PIGK: variants seen among roughly 807,000 people sequenced by gnomAD.
The protein encoded by PIGK is GPI-anchor transamidase.
Under a neutral mutation model 50.6 loss-of-function variants are expected in PIGK, and 42 were observed. That is an observed-to-expected ratio of 0.83 (90% CI 0.65 to 1.07). The LOEUF (loss-of-function observed/expected upper bound fraction) is 1.07, where lower values mean the gene tolerates loss of function less well. PIGK is among the 50% of genes least tolerant of loss of function. PIGK has a pLI of 0.00. For synonymous variants in PIGK, 151 were observed against 156.0 expected, an observed-to-expected ratio of 0.97 and a Z score of 0.24; for missense variants, 448 against 488.7, an observed-to-expected ratio of 0.92 and a Z score of 0.78.
chr1:77,099,424 T>C (rs1653493640), intron 10 of PIGK, among the ~76,000 whole-genome samples: 1 of 152,142 alleles, frequency 6.6e-6, no homozygotes, highest in Admixed American at 6.5e-5. Context: ...AATTGGATTA[T>C]GCAGCAAAAA....
chr1:77,116,406 C>T lies in PIGK; in HGVS notation c.1071+5869G>A, dbSNP rs374798206. Among the ~76,000 whole-genome samples the T allele has an allele frequency of 5.5e-4, 84 of 152,014 alleles. 1 individual carries two copies. In the East Asian group the frequency reaches 0.016, roughly 29 times the overall value. The stretch of plus-strand genomic sequence containing the variant: ...TTCACCATGTTAGCCAGGATGGTCT[C>T]GATCTCCTGACCTCGTGATTCGCCC... On this transcript the variant is annotated intron_variant, in intron 10 of 10. Coordinates refer to ENST00000370812, the MANE Select transcript of PIGK (RefSeq NM_005482.3).
intron 9 of PIGK, among the ~76,000 whole-genome samples, chr1:77,131,133 ATCTTTTAAGATGTATAATCG>A (rs1259207112): frequency 1.3e-5 from 2 of 151,956 alleles, no homozygotes; most frequent in Non-Finnish European, 2.9e-5. Flanking sequence ...GAAGATGTAC[ATCTTTTAAGATGTATAATCG>A]GGTGGCTTAT....
chr1:77,158,209 G>A (rs1282935691), intron 8 of PIGK, among the ~76,000 whole-genome samples: 1 of 151,796 alleles, frequency 6.6e-6, no homozygotes, highest in Non-Finnish European at 1.5e-5. Context: ...TAGAGATGGG[G>A]TTTCACCATG....
At chr1:77,151,350 CATG>C (rs1221444591) in intron 9 of PIGK, among the ~76,000 whole-genome samples, 1 of 152,078 alleles carries the variant, frequency 6.6e-6, no homozygotes, top group African/African-American at 2.4e-5. Flanking sequence ...CATACATCAA[CATG>C]ATAAAGGCCA....
chr1:77,138,712 T>C (rs1449245775), intron 9 of PIGK, among the ~76,000 whole-genome samples: 1 of 152,172 alleles, frequency 6.6e-6, no homozygotes, highest in Non-Finnish European at 1.5e-5. Flanking sequence ...CTTTCTCAAA[T>C]TGTCTGTAAT....
chr1:77,105,020 C>A (rs74741768), intron 10 of PIGK, among the ~76,000 whole-genome samples: 2 of 152,150 alleles, frequency 1.3e-5, no homozygotes, highest in Non-Finnish European at 2.9e-5. Flanking sequence ...TAGGTACCCA[C>A]GCTTGGTGGG....
At chr1:77,168,670 G>T (rs1390310452) in intron 4 of PIGK, among the ~76,000 whole-genome samples, 1 of 121,522 alleles carries the variant, frequency 8.2e-6, no homozygotes, top group Non-Finnish European at 1.6e-5. Flanking sequence ...ACAGGAAATT[G>T]TGTCTTACTT....
chr1:77,100,369 T>C (rs1172896031), intron 10 of PIGK, among the ~76,000 whole-genome samples: 1 of 152,234 alleles, frequency 6.6e-6, no homozygotes, highest in Non-Finnish European at 1.5e-5. Context: ...AGTCTATCTA[T>C]ATCCTTTATA....
rs945148043 is a variant in PIGK at position 77,109,198 on chromosome 1, C to T, written c.1071+13077G>A. Among the ~76,000 whole-genome samples, 9 of 152,276 alleles carry T rather than the reference C, an allele frequency of 5.9e-5. No homozygotes were observed. The South Asian group carries it at 6.2e-4, about 11-fold the overall frequency. ...CAGAGGTACAAGGAGGAGCTGGTAC[C>T]GTTCCTTCTGAAACTATTCCAATTA... On this transcript the variant is annotated intron_variant, in intron 10 of 10. Coordinates refer to ENST00000370812, the MANE Select transcript of PIGK (RefSeq NM_005482.3).
intron 10 of PIGK, among the ~76,000 whole-genome samples, chr1:77,109,506 A>C (rs557658511): frequency 3.4e-4 from 52 of 152,324 alleles, no homozygotes; most frequent in African/African-American, 1.2e-3. Flanking sequence ...CAAAGACAAA[A>C]ACCACATGAT....
chr1:77,178,960 A>C (rs1655549460), intron 3 of PIGK, among the ~76,000 whole-genome samples: 1 of 152,234 alleles, frequency 6.6e-6, no homozygotes, highest in South Asian at 2.1e-4. Context: ...CCTGACTAAA[A>C]AGGGGAAATT....
chr1:77,131,745 G>A (rs993647726), intron 9 of PIGK, among the ~76,000 whole-genome samples: 6 of 152,102 alleles, frequency 3.9e-5, no homozygotes, highest in African/African-American at 1.4e-4. Flanking sequence ...GTAATTTTAA[G>A]ATAATTTCTA....
rs564748346 is a variant in PIGK, at chr1:77,131,973, AAACCATCT to A, written c.987-9622_987-9615del. 4.4e-3 allele frequency among the ~76,000 whole-genome samples: 666 copies of A among 152,122 alleles called. 5 individuals are homozygous for A. Among genetic ancestry groups the A allele is most frequent in the African/African-American group, 0.015 (644 of 41,562 alleles). ...AGTGGTTAATAAATGTCAAATGTAAAAACCATCTAAGTCTGCTGTCTTGTTTGCAGTTT... is the reference window on the plus strand; with the variant it reads ...AGTGGTTAATAAATGTCAAATGTAAAAAGTCTGCTGTCTTGTTTGCAGTTT... On this transcript the variant is annotated intron_variant, in intron 9 of 10. Transcript: ENST00000370812.
chr1:77,166,070 G>A (rs1001073075), intron 5 of PIGK, among the ~76,000 whole-genome samples: 2 of 152,114 alleles, frequency 1.3e-5, no homozygotes, highest in Non-Finnish European at 2.9e-5. Context: ...AAGCTTGGAA[G>A]AGAATTAGAA....
chr1:77,122,134 T>C, intron 10 of PIGK, 141 bp downstream of exon 10: 1 of 526,712 alleles, frequency 1.9e-6, no homozygotes. Flanking sequence ...TCAACTGTAA[T>C]AGGGGTAGTC....
At chr1:77,125,559 T>C (rs1471362811) in intron 9 of PIGK, among the ~76,000 whole-genome samples, 1 of 152,170 alleles carries the variant, frequency 6.6e-6, no homozygotes, top group Non-Finnish European at 1.5e-5. Flanking sequence ...TGATGCTAAA[T>C]TGGTTCTATG....
rs1274696200 is a variant in PIGK, at chr1:77,092,430, T to C, written c.1132A>G (p.Ile378Val). The change falls in exon 11 of 11, where the codon ATT becomes GTT. Residue 378 changes from isoleucine (I) to valine (V), a missense_variant. Physicochemically the swap from Ile to Val is conservative, Grantham distance 29 (BLOSUM62 3). Transcript: ENST00000370812. ...TAAGTTTTGAAGAAAACCATGATAA[T>C]AAGTGCCCATAATCCCAGAATAAAG... ...GGFILGLWALIIMVFFKTYGI... is the reference protein window; with the variant it reads ...GGFILGLWALVIMVFFKTYGI... The C allele has an allele frequency of 6.2e-7, 1 of 1,607,388 alleles. No homozygotes were observed. Among genetic ancestry groups the C allele is most frequent in the Non-Finnish European group, 8.5e-7 (1 of 1,176,748 alleles).
At chr1:77,097,537 T>C (rs1384992457) in intron 10 of PIGK, among the ~76,000 whole-genome samples, 2 of 152,120 alleles carry the variant, frequency 1.3e-5, no homozygotes, top group Admixed American at 6.6e-5. Flanking sequence ...GGATGATTTG[T>C]TTTCAACTAT....
chr1:77,213,087 G>A (rs1261846770), intron 1 of PIGK, among the ~76,000 whole-genome samples: 1 of 152,030 alleles, frequency 6.6e-6, no homozygotes, highest in African/African-American at 2.4e-5. Context: ...ACCACACCCA[G>A]CTAATTTTTG....
Sources: gnomAD v4.1 joint callset for allele counts (sites outside exome capture counted in the v4.1 genomes callset) on GRCh38, gnomAD v4.1.1 for gene constraint, MANE v1.5 for transcripts, NCBI Gene and HGNC (gene_info 2026-07-23, HGNC 2026-07-21) for gene names.